Variants in MYO3B observed in about 807,000 individuals in gnomAD.
MYO3B encodes the protein myosin-IIIb.
A neutral mutation model predicts 174.6 loss-of-function variants in MYO3B; 156 were observed. The observed-to-expected ratio is 0.89, with a 90% CI of 0.78 to 1.02. The LOEUF (loss-of-function observed/expected upper bound fraction) is 1.02, where lower values mean the gene tolerates loss of function less well. MYO3B is among the 50% of genes least tolerant of loss of function. MYO3B has a pLI of 0.00. For synonymous variants in MYO3B, 563 were observed against 569.1 expected (o/e 0.99, Z 0.15); for missense variants, 1,632 against 1,639.4 (o/e 1.00, Z 0.08).
intron 30 of MYO3B, among the ~76,000 whole-genome samples, chr2:170,526,401 A>G (rs990784317): frequency 1.3e-5 from 2 of 152,236 alleles, no homozygotes; most frequent in Admixed American, 6.5e-5. Context: ...CATATGAAGG[A>G]TCAAGACTTT....
intron 23 of MYO3B, among the ~76,000 whole-genome samples, chr2:170,457,197 A>G (rs1683958146): frequency 6.6e-6 from 1 of 152,224 alleles, no homozygotes; most frequent in Non-Finnish European, 1.5e-5. Context: ...ACATTAGTGT[A>G]CACTCCTGTA....
Position 170,382,095 on chromosome 2 carries a change from C to T in MYO3B, c.1051C>T (p.Leu351=), listed in dbSNP as rs773993817. Residue 351 remains leucine (L), a synonymous_variant, in exon 10 of 35, where the codon CTA becomes TTA. Coordinates refer to ENST00000408978, the MANE Select transcript of MYO3B (RefSeq NM_138995.5). ...KYCLEDDLVN[L]EVLDEDTIIH... is the part of the protein sequence containing the mutation. The stretch of plus-strand genomic sequence containing the variant: ...CTGCCTTGAGGATGATTTGGTCAAC[C>T]TAGAGGTTCTGGATGAGGTACTAAA... 3 of 1,613,070 alleles carry T rather than the reference C, an allele frequency of 1.9e-6. No individual in the cohort carries two copies. The highest frequency in any genetic ancestry group is 1.1e-5 in the South Asian group (1 of 90,902).
At chr2:170,584,495 T>G (rs949777045) in intron 32 of MYO3B, among the ~76,000 whole-genome samples, 15 of 152,226 alleles carry the variant, frequency 9.9e-5, no homozygotes, top group Non-Finnish European at 1.6e-4. Context: ...GTGGAAAATG[T>G]ATTGCTTGTC....
intron 32 of MYO3B, among the ~76,000 whole-genome samples, chr2:170,622,861 T>C (rs1364363009): frequency 6.6e-6 from 1 of 152,080 alleles, no homozygotes; most frequent in African/African-American, 2.4e-5. Flanking sequence ...CTCAGAATGA[T>C]GGTTTCCAGC....
chr2:170,263,813 A>G (rs986987734), intron 7 of MYO3B, among the ~76,000 whole-genome samples: 1 of 151,324 alleles, frequency 6.6e-6, no homozygotes. Flanking sequence ...CTCAACTGCA[A>G]AGAGGCCTTC....
At chr2:170,241,878 T>C (rs1297825210) in intron 7 of MYO3B, among the ~76,000 whole-genome samples, 1 of 152,144 alleles carries the variant, frequency 6.6e-6, no homozygotes, top group South Asian at 2.1e-4. Context: ...ACAAACCAAA[T>C]TGTTCCTATA....
chr2:170,294,480 T>C (rs967723526), intron 7 of MYO3B, among the ~76,000 whole-genome samples: 4 of 152,062 alleles, frequency 2.6e-5, no homozygotes, highest in African/African-American at 9.7e-5. Context: ...TGAAGATTGA[T>C]TTCTAATTTT....
chr2:170,277,421 T>A (rs899849390), intron 7 of MYO3B, among the ~76,000 whole-genome samples: 2 of 152,144 alleles, frequency 1.3e-5, no homozygotes, highest in Non-Finnish European at 2.9e-5. Flanking sequence ...TCAAAATACA[T>A]CAATTACTGG....
At chr2:170,347,224 A>G (rs1304199887) in intron 8 of MYO3B, among the ~76,000 whole-genome samples, 1 of 152,200 alleles carries the variant, frequency 6.6e-6, no homozygotes, top group Non-Finnish European at 1.5e-5. Flanking sequence ...GGTGAAGTGT[A>G]CTTTACTTGC....
chr2:170,537,129 G>A (rs1442044238), intron 30 of MYO3B, among the ~76,000 whole-genome samples: 3 of 151,290 alleles, frequency 2.0e-5, no homozygotes, highest in African/African-American at 7.3e-5. Flanking sequence ...TGAACCTGGA[G>A]GGTGGATGTT....
chr2:170,631,725 C>T (rs1697001850), intron 32 of MYO3B, among the ~76,000 whole-genome samples: 1 of 152,044 alleles, frequency 6.6e-6, no homozygotes, highest in Non-Finnish European at 1.5e-5. Flanking sequence ...ACTCTACAAG[C>T]CAGAAGAGAG....
In MYO3B at chr2:170,434,134, T is replaced by A. The variant is rs183652100; in HGVS notation, c.2651-9833T>A. Among the ~76,000 whole-genome samples, 233 of 152,302 alleles carry A rather than the reference T, an allele frequency of 1.5e-3. 1 individual carries two copies. The highest frequency in any genetic ancestry group is 3.0e-3 in the Non-Finnish European group (204 of 68,028). On this transcript the variant is annotated intron_variant, in intron 22 of 34. Transcript: ENST00000408978. The stretch of plus-strand genomic sequence containing the variant: ...ATCTAAAATAAATCCTTCTTATAAA[T>A]TTAGGAGAGATGGTTATGTGAAGAT...
At chr2:170,479,930 A>G (rs1685575549) in intron 25 of MYO3B, among the ~76,000 whole-genome samples, 1 of 148,616 alleles carries the variant, frequency 6.7e-6, no homozygotes, top group Non-Finnish European at 1.5e-5. Flanking sequence ...ATGTGTGTAT[A>G]TATATTAAAC....
chr2:170,573,196 CAT>C (rs1411717355), intron 32 of MYO3B, among the ~76,000 whole-genome samples: 11 of 144,482 alleles, frequency 7.6e-5, no homozygotes, highest in African/African-American at 1.8e-4. Context: ...ATGTAGTAAA[CAT>C]ATGTAATAAA....
At chr2:170,383,667 A>G in intron 11 of MYO3B, 43 bp from the exon 12 acceptor site, 2 of 1,452,444 alleles carry the variant, frequency 1.4e-6, no homozygotes, top group Non-Finnish European at 1.9e-6. Context: ...GTGGAGTATT[A>G]GATGGTCCAG....
chr2:170,435,564 T>C (rs542970725), intron 22 of MYO3B, among the ~76,000 whole-genome samples: 1 of 152,352 alleles, frequency 6.6e-6, no homozygotes, highest in African/African-American at 2.4e-5. Context: ...CTAAGCTGAA[T>C]GTGGGCTACG....
At chr2:170,588,543 G>A (rs1388099858) in intron 32 of MYO3B, among the ~76,000 whole-genome samples, 1 of 152,204 alleles carries the variant, frequency 6.6e-6, no homozygotes, top group Admixed American at 6.5e-5. Flanking sequence ...TGCTATGCCA[G>A]TGAAATGAAG....
rs76390173 is a variant in MYO3B, at chr2:170,559,621, T to C, written c.3733+15633T>C. 9.4e-3 allele frequency among the ~76,000 whole-genome samples: 1,431 copies of C among 152,252 alleles called. 16 individuals carry two copies. Among genetic ancestry groups the C allele is most frequent in the Non-Finnish European group, 0.013 (859 of 68,010 alleles). On this transcript the variant is annotated intron_variant, in intron 32 of 34. Coordinates refer to ENST00000408978, the MANE Select transcript of MYO3B (RefSeq NM_138995.5). The stretch of plus-strand genomic sequence containing the variant: ...TCTCTTATTAAACAAACTATAAATA[T>C]AGTTTGGATAATGACGGGAGGGAGA...
rs1371144894 is a variant in MYO3B at position 170,391,527 on chromosome 2, A to G, written c.1585A>G (p.Lys529Glu). Residue 529 changes from lysine (K) to glutamate (E), a missense_variant, in exon 15 of 35, where the codon AAA becomes GAA. By Grantham distance (56) the Lys-to-Glu change is moderately conservative. Transcript: ENST00000408978. ...SRVIKQAARE[K>E]NFHIFYYIYA... ...AGTCTCTTTTTTTTTCAGGAGAGAG[A>G]AAAATTTTCATATATTTTACTATAT... The G allele has an allele frequency of 1.4e-6, 2 of 1,474,780 alleles. No homozygotes were observed. The highest frequency in any genetic ancestry group is 1.5e-5 in the African/African-American group (1 of 68,796). 91.4% of individuals were successfully genotyped at this position (1,474,780 alleles called of 1,614,324 possible). A position where few individuals can be genotyped will look rare whatever the true frequency, so the allele number is the denominator to read the frequency against.
Sources: gnomAD v4.1 joint callset for allele counts (sites outside exome capture counted in the v4.1 genomes callset) on GRCh38, gnomAD v4.1.1 for gene constraint, MANE v1.5 for transcripts, NCBI Gene and HGNC (gene_info 2026-07-23, HGNC 2026-07-21) for gene names.